EFCAB6: variants seen among roughly 807,000 people sequenced by gnomAD.
The protein encoded by EFCAB6 is EF-hand calcium-binding domain-containing protein 6.
EFCAB6 carries 156 observed loss-of-function variants against 169.8 expected under a neutral mutation model. The observed-to-expected ratio is 0.92, with a 90% CI of 0.81 to 1.05. The LOEUF (loss-of-function observed/expected upper bound fraction) is 1.05. EFCAB6 is among the 50% of genes least tolerant of loss of function. The pLI, the probability that EFCAB6 is intolerant of heterozygous loss-of-function variation, is 0.00. For missense variants in EFCAB6, 1,800 were observed against 1,829.1 expected (o/e 0.98, Z 0.29); for synonymous variants, 698 against 676.4 (o/e 1.03, Z -0.50).
intron 22 of EFCAB6, among the ~76,000 whole-genome samples, chr22:43,604,839 A>C (rs922136706): frequency 2.6e-5 from 4 of 152,202 alleles, no homozygotes; most frequent in African/African-American, 7.2e-5. Context: ...ATTATCTTGC[A>C]AACTTTCTGG....
rs778565955 is a variant in EFCAB6, at chr22:43,667,318, G to A, written c.1815-46C>T. The A allele has an allele frequency of 3.8e-6, 6 of 1,595,810 alleles. No individual in the cohort carries two copies. In the Middle Eastern group the frequency reaches 5.0e-4, roughly 134 times the overall value. On this transcript the variant is annotated intron_variant, in intron 16 of 31. Coordinates refer to ENST00000262726, the MANE Select transcript of EFCAB6 (RefSeq NM_022785.4). ...TTAGACCCAGTGTCAACTGACACAC[G>A]CAGGGTGCTTCCTCCAGACTGCACC...
chr22:43,681,977 T>C (rs1249768113), intron 12 of EFCAB6, among the ~76,000 whole-genome samples: 1 of 152,218 alleles, frequency 6.6e-6, no homozygotes, highest in Non-Finnish European at 1.5e-5. Context: ...TGCCTTGGCG[T>C]GGATCTAAAG....
intron 13 of EFCAB6, among the ~76,000 whole-genome samples, chr22:43,675,326 A>ATT (rs2147018577): frequency 2.1e-5 from 1 of 46,632 alleles, no homozygotes; most frequent in African/African-American, 6.1e-5. Flanking sequence ...ATTATACTAT[A>ATT]ATATATAATA....
intron 10 of EFCAB6, among the ~76,000 whole-genome samples, chr22:43,704,061 G>C (rs1472035821): frequency 6.6e-6 from 1 of 151,990 alleles, no homozygotes; most frequent in Non-Finnish European, 1.5e-5. Flanking sequence ...AGGTCGCCAA[G>C]ACAACATAAT....
intron 17 of EFCAB6, among the ~76,000 whole-genome samples, chr22:43,657,245 C>T (rs545264838): frequency 1.3e-5 from 2 of 152,076 alleles, no homozygotes; most frequent in African/African-American, 2.4e-5. Context: ...TAGTGAGTTG[C>T]GATGGCACCC....
intron 13 of EFCAB6, among the ~76,000 whole-genome samples, chr22:43,672,558 C>T (rs563195339): frequency 1.2e-4 from 19 of 152,206 alleles, no homozygotes; most frequent in African/African-American, 4.6e-4. Flanking sequence ...GAGCTGGAGG[C>T]CATTATCCTT....
intron 26 of EFCAB6, among the ~76,000 whole-genome samples, chr22:43,557,657 A>G (rs1010120970): frequency 6.6e-6 from 1 of 152,220 alleles, no homozygotes; most frequent in African/African-American, 2.4e-5. Flanking sequence ...AGAAAGAGTC[A>G]TATTCCAATT....
intron 22 of EFCAB6, among the ~76,000 whole-genome samples, chr22:43,602,359 T>G (rs2052584391): frequency 6.6e-6 from 1 of 152,222 alleles, no homozygotes; most frequent in Non-Finnish European, 1.5e-5. Context: ...TTCCCGAGGC[T>G]TCTCTTTGGC....
At chr22:43,645,455 C>G (rs2148009928) in intron 17 of EFCAB6, among the ~76,000 whole-genome samples, 1 of 152,308 alleles carries the variant, frequency 6.6e-6, no homozygotes, top group Non-Finnish European at 1.5e-5. Context: ...AGTTGGACCA[C>G]TACTGTGTGT....
Position 43,555,237 on chromosome 22 carries a change from G to A in EFCAB6, c.3421-141C>T, listed in dbSNP as rs961384280. On this transcript the variant is annotated intron_variant, in intron 26 of 31. Transcript: ENST00000262726. The stretch of plus-strand genomic sequence containing the variant: ...CAGAAGACAGCTACAGCCTGGAGGT[G>A]GGTTCAGGCAGCCTCCAGCCCCAGG... 11 of 838,674 alleles carry A rather than the reference G, an allele frequency of 1.3e-5. No homozygotes were observed. The African/African-American group carries it at 1.4e-4, about 10-fold the overall frequency. The allele number at this position is 838,674 out of a possible 1,614,324, so 52.0% of individuals were successfully genotyped here. A position where few individuals can be genotyped will look rare whatever the true frequency, so the allele number is the denominator to read the frequency against.
intron 26 of EFCAB6, among the ~76,000 whole-genome samples, chr22:43,568,169 G>A (rs886379135): frequency 3.9e-5 from 6 of 152,228 alleles, no homozygotes; most frequent in Non-Finnish European, 5.9e-5. Flanking sequence ...GCCTGGCCCA[G>A]AGCCAGGCAC....
chr22:43,784,628 TATATGTATATGTAC>T (rs1569487815), intron 2 of EFCAB6, among the ~76,000 whole-genome samples: 1,947 of 76,812 alleles, frequency 0.025, 177 homozygotes, highest in African/African-American at 0.08. Context: ...TATACACATA[TATATGTATATGTAC>T]ACATATATAT....
In EFCAB6 at chr22:43,667,092, C is replaced by T; in HGVS notation, c.1983+12G>A. ...CTGCAGGATAGAAACAAAGAGAAAC[C>T]CATTCTCCTACCTTCTTAAAGTCAT... On this transcript the variant is annotated intron_variant, in intron 17 of 31. Transcript: ENST00000262726. 6.2e-7 allele frequency: 1 copy of T among 1,609,390 alleles called. No homozygotes were observed.
chr22:43,746,407 C>T (rs563737950), intron 6 of EFCAB6, among the ~76,000 whole-genome samples: 13 of 152,320 alleles, frequency 8.5e-5, no homozygotes, highest in South Asian at 2.1e-4. Context: ...AACTCTGGTT[C>T]GGGGTCTCCT....
chr22:43,708,730 T>C (rs1402136221), intron 10 of EFCAB6, among the ~76,000 whole-genome samples: 16 of 152,102 alleles, frequency 1.1e-4, no homozygotes, highest in Admixed American at 9.2e-4. Flanking sequence ...AAGGCATTCA[T>C]AGGGATAAAA....
At chr22:43,583,278 C>G (rs1391700175) in intron 24 of EFCAB6, among the ~76,000 whole-genome samples, 2 of 151,432 alleles carry the variant, frequency 1.3e-5, no homozygotes, top group African/African-American at 4.9e-5. Flanking sequence ...TTACTCTTCC[C>G]CATTAAAGAA....
intron 26 of EFCAB6, among the ~76,000 whole-genome samples, chr22:43,556,997 C>G (rs1263042059): frequency 2.6e-5 from 4 of 152,222 alleles, no homozygotes; most frequent in African/African-American, 9.7e-5. Flanking sequence ...GGAGCCTCTC[C>G]TGGACATAGA....
chr22:43,601,445 G>A (rs2052516132), intron 22 of EFCAB6, among the ~76,000 whole-genome samples: 1 of 152,228 alleles, frequency 6.6e-6, no homozygotes, highest in South Asian at 2.1e-4. Flanking sequence ...TACAAGGAAT[G>A]AGACTATATT....
At chr22:43,689,349 G>GCACACA (rs3221390) in intron 10 of EFCAB6, among the ~76,000 whole-genome samples, 32,285 of 146,794 alleles carry the variant, frequency 0.22, 3,841 homozygotes, top group Non-Finnish European at 0.28. Context: ...GAGAGCACGT[G>GCACACA]CACACACACA....
Sources: allele counts gnomAD v4.1 joint callset (sites outside exome capture counted in the v4.1 genomes callset), GRCh38; gene constraint gnomAD v4.1.1; transcripts MANE v1.5; gene names NCBI Gene and HGNC (gene_info 2026-07-23, HGNC 2026-07-21).